The following KLF8 variants were observed in gnomAD, a reference collection of about 807,000 sequenced individuals.
KLF8 encodes the protein Krueppel-like factor 8.
KLF8 carries 10 observed loss-of-function variants against 18.2 expected under a neutral mutation model. The observed-to-expected ratio is 0.55, with a 90% CI of 0.34 to 0.93. The LOEUF is 0.93. KLF8 is among the 40% of genes least tolerant of loss of function. The probability of loss-of-function intolerance (pLI) is 0.02; values close to 1 mark genes in which losing one functional copy is unlikely to be tolerated. For missense variants in KLF8, 264 were observed against 277.9 expected (o/e 0.95, Z 0.36); for synonymous variants, 109 against 97.3 (o/e 1.12, Z -0.71).
chrX:56,283,075 A>G, intron 5 of KLF8, among the ~76,000 whole-genome samples: 1 of 112,050 alleles, frequency 8.9e-6, no homozygotes, highest in Non-Finnish European at 1.9e-5. Context: ...TATTATGAGT[A>G]TACAAATGTA....
At chrX:56,059,445 G>C in the KLF8 span, among the ~76,000 whole-genome samples, 1 of 112,021 alleles carries the variant, frequency 8.9e-6, no homozygotes, top group Admixed American at 9.5e-5. Flanking sequence ...TGTCCTGAAT[G>C]ATATTGCCTA....
chrX:56,200,401 A>C, the KLF8 span, among the ~76,000 whole-genome samples: 31 of 110,728 alleles, frequency 2.8e-4, no homozygotes, highest in East Asian at 7.8e-3. Context: ...AAATAATATT[A>C]AATGGTGTTG....
chrX:55,988,192 G>A, the KLF8 span, among the ~76,000 whole-genome samples: 1 of 111,408 alleles, frequency 9.0e-6, no homozygotes, highest in African/African-American at 3.3e-5. Flanking sequence ...CTGTGCAGAA[G>A]CTCTTTAGTT....
chrX:56,078,257 A>G, the KLF8 span, among the ~76,000 whole-genome samples: 2 of 112,067 alleles, frequency 1.8e-5, no homozygotes, highest in East Asian at 5.6e-4. Flanking sequence ...TTGCCCATTC[A>G]ATATGATATT....
At chrX:56,164,729 C>CTTTTTTTTTTTTTTTTTATT in the KLF8 span, among the ~76,000 whole-genome samples, 4 of 51,920 alleles carry the variant, frequency 7.7e-5, no homozygotes, top group African/African-American at 2.6e-4. Context: ...CTTGTTATCT[C>CTTTTTTTTTTTTTTTTTATT]TTTTTTTTTT....
chrX:56,270,368 A>ACACACACG, intron 5 of KLF8, 47 bp downstream of exon 5: 1 of 1,052,187 alleles, frequency 9.5e-7, no homozygotes, highest in Non-Finnish European at 1.2e-6. Flanking sequence ...ACACACACAC[A>ACACACACG]CACACACACA....
chrX:56,221,579 T>C, the KLF8 span, among the ~76,000 whole-genome samples: 1 of 111,281 alleles, frequency 9.0e-6, no homozygotes, highest in East Asian at 2.8e-4. Context: ...AGTTTCTTCC[T>C]TCTGGTGGGT....
the KLF8 span, among the ~76,000 whole-genome samples, chrX:55,937,838 G>T: frequency 8.9e-6 from 1 of 111,814 alleles, no homozygotes; most frequent in East Asian, 2.8e-4. Context: ...GAAATAAAAA[G>T]AAATGAGCAA....
the KLF8 span, among the ~76,000 whole-genome samples, chrX:56,129,741 T>G: frequency 1.1e-4 from 11 of 104,052 alleles, no homozygotes; most frequent in Non-Finnish European, 1.7e-4. Context: ...AGCCATGCTT[T>G]CTTTCTCAGC....
chrX:56,105,295 T>C, the KLF8 span, among the ~76,000 whole-genome samples: 1 of 111,612 alleles, frequency 9.0e-6, no homozygotes, highest in Non-Finnish European at 1.9e-5. Context: ...CATTGATCTG[T>C]CTAATATTGT....
At chrX:56,160,220 G>A in the KLF8 span, among the ~76,000 whole-genome samples, 1 of 111,831 alleles carries the variant, frequency 8.9e-6, no homozygotes, top group Non-Finnish European at 1.9e-5. Context: ...TCTTAATCCT[G>A]AGTTCTAGTT....
the KLF8 span, among the ~76,000 whole-genome samples, chrX:56,077,170 C>T: frequency 8.9e-6 from 1 of 111,993 alleles, no homozygotes; most frequent in Non-Finnish European, 1.9e-5. Context: ...TCAATTATGG[C>T]TTTTGTTGCC....
the KLF8 span, among the ~76,000 whole-genome samples, chrX:55,928,911 G>A: frequency 8.9e-6 from 1 of 111,827 alleles, no homozygotes; most frequent in African/African-American, 3.3e-5. Context: ...TGGGTCTAAT[G>A]GTATTTCTGG....
chrX:56,156,270 G>T, the KLF8 span, among the ~76,000 whole-genome samples: 1 of 111,989 alleles, frequency 8.9e-6, no homozygotes, highest in Non-Finnish European at 1.9e-5. Context: ...GGGTACAAGT[G>T]CAGGTTTGTT....
chrX:55,944,170 A>T, the KLF8 span, among the ~76,000 whole-genome samples: 9 of 109,405 alleles, frequency 8.2e-5, no homozygotes, highest in African/African-American at 3.0e-4. Context: ...CTTGCATCCC[A>T]GGGATGAAGC....
the KLF8 span, among the ~76,000 whole-genome samples, chrX:56,178,210 C>T: frequency 9.0e-6 from 1 of 111,603 alleles, no homozygotes. Context: ...GGAGCTGTAG[C>T]GATTTGCATT....
chrX:55,937,237 G>A, the KLF8 span, among the ~76,000 whole-genome samples: 2 of 111,469 alleles, frequency 1.8e-5, no homozygotes, highest in Admixed American at 9.5e-5. Flanking sequence ...GTTCTGCAGC[G>A]ACCACTGCTG....
the KLF8 span, among the ~76,000 whole-genome samples, chrX:56,094,885 G>A: frequency 9.0e-6 from 1 of 111,424 alleles, no homozygotes; most frequent in African/African-American, 3.3e-5. Flanking sequence ...AACATACCAT[G>A]CTCTTGCATT....
intron 2 of KLF8, among the ~76,000 whole-genome samples, chrX:56,251,499 G>T (rs2066711584): frequency 9.1e-6 from 1 of 110,291 alleles, no homozygotes; most frequent in South Asian, 3.8e-4. Flanking sequence ...GTCTCGCTTT[G>T]TCACCCAGGA....
Sources: allele counts gnomAD v4.1 joint callset (sites outside exome capture counted in the v4.1 genomes callset), GRCh38; gene constraint gnomAD v4.1.1; transcripts MANE v1.5; gene names NCBI Gene and HGNC (gene_info 2026-07-23, HGNC 2026-07-21).